The following MYH7B variants were observed in gnomAD, a reference collection of about 807,000 sequenced individuals.
MYH7B encodes myosin heavy chain 7B.
A neutral mutation model predicts 234.5 loss-of-function variants in MYH7B; 205 were observed. The ratio of observed to expected loss-of-function variants is 0.87; its 90% CI spans 0.78 to 0.98. MYH7B has a LOEUF of 0.98. Ranked by LOEUF, MYH7B falls within the 50% of genes least tolerant of loss-of-function variation. The probability of loss-of-function intolerance (pLI) is 0.00; values close to 1 mark genes in which losing one functional copy is unlikely to be tolerated. For synonymous variants in MYH7B, 1,193 were observed against 1,105.0 expected (o/e 1.08, Z -1.58); for missense variants, 2,652 against 2,633.4 (o/e 1.01, Z -0.15).
At chr20:34,965,823 G>T (rs549261455) in intron 2 of MYH7B, among the ~76,000 whole-genome samples, 12 of 152,326 alleles carry the variant, frequency 7.9e-5, no homozygotes, top group African/African-American at 2.9e-4. Context: ...ACAGAAAGGA[G>T]CTGGTTTAGT....
At chr20:34,961,048 A>G (rs1009541358) in intron 2 of MYH7B, among the ~76,000 whole-genome samples, 1 of 152,178 alleles carries the variant, frequency 6.6e-6, no homozygotes, top group Admixed American at 6.5e-5. Context: ...AAGGGAAGAC[A>G]CACTTCAAGG....
Position 34,999,069 on chromosome 20 carries a change from C to A in MYH7B, c.4204C>A (p.Leu1402Met), listed in dbSNP as rs779014334. Residue 1402 changes from leucine (L) to methionine (M), a missense_variant, in exon 36 of 45, where the codon CTG (leucine) becomes ATG (methionine). This residue lies in a region of MYH7B where 2,279 missense variants were observed against 2,211.4 expected (regional missense o/e 1.03). Coordinates refer to ENST00000262873, the Ensembl canonical transcript of MYH7B. ...TCCATGGCCTAGAAAAAAGCTGGCACTGCGGCTGCAGGAGGCAGAGGAGGG... is the reference window on the plus strand; with the variant it reads ...TCCATGGCCTAGAAAAAAGCTGGCAATGCGGCTGCAGGAGGCAGAGGAGGG... The A allele has an allele frequency of 3.1e-6, 5 of 1,609,880 alleles. No homozygotes were observed. The highest frequency in any genetic ancestry group is 4.2e-6 in the Non-Finnish European group (5 of 1,178,024).
intron 28 of MYH7B, among the ~76,000 whole-genome samples, 200 bp from the exon 29 acceptor site, chr20:34,996,146 C>T (rs1267341283): frequency 5.9e-5 from 9 of 152,214 alleles, no homozygotes; most frequent in African/African-American, 9.7e-5. Flanking sequence ...CTGAGCACTG[C>T]GGGTGCATCC....
At chr20:34,979,441 A>G (rs1399282973) in exon 6 of MYH7B, 1 of 1,613,988 alleles carries the variant, frequency 6.2e-7, no homozygotes, top group East Asian at 2.2e-5. Flanking sequence ...GTGGAGGCCG[A>G]GGTCAAGTCG....
At chr20:34,972,511 C>A (rs73905019) in intron 2 of MYH7B, among the ~76,000 whole-genome samples, 20,079 of 151,978 alleles carry the variant, frequency 0.13, 1,623 homozygotes, top group African/African-American at 0.23. Context: ...CCACTTGCCA[C>A]AATCTTTAAT....
intron 3 of MYH7B, among the ~76,000 whole-genome samples, chr20:34,975,774 G>A (rs2081845444): frequency 6.6e-6 from 1 of 152,144 alleles, no homozygotes; most frequent in Admixed American, 6.5e-5. Context: ...GGAGTGCAGT[G>A]GTGCCATCTC....
chr20:34,988,250 C>T (rs1281300390), exon 19 of MYH7B: 26 of 1,612,780 alleles, frequency 1.6e-5, no homozygotes, highest in Non-Finnish European at 2.2e-5. Flanking sequence ...CTTGCATCGA[C>T]CTCATCGAGA....
intron 14 of MYH7B, 49 bp downstream of exon 14, chr20:34,986,247 T>G (rs1257150723): frequency 1.4e-6 from 2 of 1,450,174 alleles, no homozygotes; most frequent in Non-Finnish European, 1.9e-6. Context: ...CTGGAGGGGC[T>G]GCCTGGCGCT....
intron 2 of MYH7B, among the ~76,000 whole-genome samples, chr20:34,965,000 A>T (rs1414361249): frequency 1.3e-5 from 2 of 152,226 alleles, no homozygotes; most frequent in African/African-American, 2.4e-5. Context: ...TTTTCTTTTT[A>T]AAAATAGGTA....
At chr20:35,000,559 G>A (rs369540637) in exon 39 of MYH7B, 23 of 1,572,994 alleles carry the variant, frequency 1.5e-5, no homozygotes, top group African/African-American at 1.1e-4. Context: ...GCTCTGGAGC[G>A]CCGGGCCTCG....
exon 25 of MYH7B, chr20:34,993,198 C>T: frequency 6.2e-7 from 1 of 1,614,042 alleles, no homozygotes; most frequent in African/African-American, 1.3e-5. Context: ...ACTTGGATCA[C>T]ACCCAGTACC....
chr20:34,966,219 C>T (rs994496223), intron 2 of MYH7B, among the ~76,000 whole-genome samples: 4 of 152,218 alleles, frequency 2.6e-5, no homozygotes, highest in African/African-American at 9.6e-5. Flanking sequence ...GCACCACATA[C>T]TGATAGCTGT....
At chr20:34,989,480 TG>T (rs1379627158) in intron 19 of MYH7B, among the ~76,000 whole-genome samples, 14 of 152,198 alleles carry the variant, frequency 9.2e-5, no homozygotes, top group Non-Finnish European at 1.5e-4. Flanking sequence ...GATGCCAGCT[TG>T]GGTTTGCCAT....
intron 15 of MYH7B, 68 bp downstream of exon 15, chr20:34,987,057 C>T: frequency 6.2e-7 from 1 of 1,608,744 alleles, no homozygotes; most frequent in Non-Finnish European, 8.5e-7. Flanking sequence ...CTGCCGGTGC[C>T]CCCAGCTGCA....
intron 9 of MYH7B, chr20:34,981,510 A>G (rs572724245): frequency 4.0e-4 from 81 of 200,574 alleles, no homozygotes; most frequent in African/African-American, 1.9e-3. Context: ...AGTCAGGCCA[A>G]TATGGACAAT....
intron 5 of MYH7B, among the ~76,000 whole-genome samples, chr20:34,978,631 C>G (rs529150388): frequency 2.0e-5 from 3 of 152,132 alleles, no homozygotes; most frequent in Non-Finnish European, 4.4e-5. Flanking sequence ...ATCTCAACAA[C>G]CTGGGGAGGT....
chr20:34,977,359 C>T (rs1243153841), intron 3 of MYH7B, among the ~76,000 whole-genome samples: 4 of 151,936 alleles, frequency 2.6e-5, no homozygotes, highest in South Asian at 2.1e-4. Context: ...TCAGACTCTG[C>T]GTGACTTGGT....
chr20:34,956,226 C>T (rs1569021967), intron 1 of MYH7B, among the ~76,000 whole-genome samples: 1 of 152,102 alleles, frequency 6.6e-6, no homozygotes, highest in African/African-American at 2.4e-5. Flanking sequence ...AGCCAAGTCC[C>T]AGAAAAATCC....
chr20:34,963,664 TCAC>T (rs2081718069), intron 2 of MYH7B, among the ~76,000 whole-genome samples: 1 of 152,242 alleles, frequency 6.6e-6, no homozygotes, highest in African/African-American at 2.4e-5. Context: ...AATTCGAAGG[TCAC>T]AAAGATTTAC....
Sources: allele counts gnomAD v4.1 joint callset (sites outside exome capture counted in the v4.1 genomes callset), GRCh38; gene constraint gnomAD v4.1.1; regional missense constraint gnomAD v4.1.1; transcripts MANE v1.5; gene names NCBI Gene and HGNC (gene_info 2026-07-23, HGNC 2026-07-21).